The following UTP20 variants were observed in gnomAD, a reference collection of about 807,000 sequenced individuals.
UTP20 encodes the protein UTP20 small subunit processome component, also known as small subunit processome component 20 homolog.
Under a neutral mutation model 329.5 loss-of-function variants are expected in UTP20, and 164 were observed. The ratio of observed to expected loss-of-function variants is 0.50; its 90% CI spans 0.44 to 0.57. UTP20 has a LOEUF of 0.57. UTP20 is among the 20% of genes least tolerant of loss of function. The pLI is 0.00. For synonymous variants in UTP20, 1,151 were observed against 1,159.3 expected (o/e 0.99, Z 0.14); for missense variants, 3,055 against 3,284.2 (o/e 0.93, Z 1.71).
chr12:101,311,285 GTAGT>G (rs1250229524), intron 19 of UTP20, among the ~76,000 whole-genome samples: 1 of 152,070 alleles, frequency 6.6e-6, no homozygotes, highest in Non-Finnish European at 1.5e-5. Flanking sequence ...GTTGTTTCAT[GTAGT>G]TAGTGAATGT....
intron 25 of UTP20, among the ~76,000 whole-genome samples, chr12:101,325,231 C>G (rs754913335): frequency 2.0e-5 from 3 of 152,206 alleles, no homozygotes; most frequent in Non-Finnish European, 4.4e-5. Flanking sequence ...CCACCTCTCT[C>G]AGAACCCACT....
At chr12:101,317,712 A>G (rs1433647965) in intron 22 of UTP20, 49 bp downstream of exon 22, 2 of 1,535,046 alleles carry the variant, frequency 1.3e-6, no homozygotes, top group Non-Finnish European at 8.8e-7. Context: ...TCTGGGAGGA[A>G]CAGGAAGAGG....
intron 40 of UTP20, 133 bp from the exon 41 acceptor site, chr12:101,354,699 T>TA (rs1473074574): frequency 7.6e-6 from 7 of 915,814 alleles, no homozygotes; most frequent in African/African-American, 5.0e-5. Flanking sequence ...CCTCAGCACT[T>TA]ACCTTGCCTG....
chr12:101,322,605 A>G (rs1868400674), intron 25 of UTP20, among the ~76,000 whole-genome samples: 4 of 152,206 alleles, frequency 2.6e-5, no homozygotes, highest in Admixed American at 2.6e-4. Context: ...CTTTTGGTCC[A>G]GCCCCCTACT....
At chr12:101,334,922 A>G (rs918201900) in intron 29 of UTP20, among the ~76,000 whole-genome samples, 3 of 152,016 alleles carry the variant, frequency 2.0e-5, no homozygotes, top group Non-Finnish European at 4.4e-5. Flanking sequence ...ACAATGAGCC[A>G]TGATCATGCC....
chr12:101,285,599 G>A lies in UTP20; in HGVS notation c.156G>A (p.Leu52=), dbSNP rs1871935008. The A allele has an allele frequency of 6.2e-7, 1 of 1,613,772 alleles. No homozygotes were observed. The part of the protein sequence containing the change: ...EEVETYFFEG[L]LKWRELNLTE... ...TTGAAACCTACTTTTTTGAGGGTCT[G>A]CTGAAATGGAGAGAATTAAACCTCA... The change falls in exon 3 of 62, where the codon CTG becomes CTA. Residue 52 remains leucine, a synonymous_variant. Coordinates refer to ENST00000261637, the MANE Select transcript of UTP20 (RefSeq NM_014503.3).
At chr12:101,328,582 TGGA>T (rs897767472) in intron 26 of UTP20, among the ~76,000 whole-genome samples, 1 of 152,140 alleles carries the variant, frequency 6.6e-6, no homozygotes, top group African/African-American at 2.4e-5. Flanking sequence ...AGTTACCAGA[TGGA>T]GGACCAGGCA....
chr12:101,369,604 C>T (rs574500798), intron 48 of UTP20, 117 bp from the exon 49 acceptor site: 89 of 625,158 alleles, frequency 1.4e-4, no homozygotes, highest in African/African-American at 9.4e-4. Context: ...GAGTGGGCTG[C>T]GCTTAGCATC....
At position 101,290,278 on chromosome 12, in the gene UTP20, C is replaced by A; in HGVS notation, c.735+4C>A. The A allele has an allele frequency of 6.3e-7, 1 of 1,583,652 alleles. No individual in the cohort carries two copies. The highest frequency in any genetic ancestry group is 8.6e-7 in the Non-Finnish European group (1 of 1,167,876). Reference sequence around the variant, plus strand: ...GTTTCACTCCTGTACAGGCCAGGTACATAATGGGGAGGGGTGCTTAGAGTC... The same window carrying A: ...GTTTCACTCCTGTACAGGCCAGGTAAATAATGGGGAGGGGTGCTTAGAGTC... On this transcript the variant is annotated splice_donor_region_variant and intron_variant, in intron 7 of 61. Transcript: ENST00000261637.
At chr12:101,291,005 C>A in intron 8 of UTP20, 117 bp downstream of exon 8, 1 of 1,067,542 alleles carries the variant, frequency 9.4e-7, no homozygotes, top group Non-Finnish European at 1.3e-6. Context: ...TTTATTTATA[C>A]TTCTGTACAC....
At chr12:101,296,337 C>A (rs544431350) in intron 12 of UTP20, among the ~76,000 whole-genome samples, 5 of 151,960 alleles carry the variant, frequency 3.3e-5, no homozygotes, top group African/African-American at 1.2e-4. Context: ...TTTGGGAGGC[C>A]GAGGAGGGCA....
In UTP20 at chr12:101,338,161, T is replaced by A. The variant is rs776706434; in HGVS notation, c.3752T>A (p.Ile1251Asn). 6.2e-7 allele frequency: 1 copy of A among 1,614,216 alleles called. No individual in the cohort carries two copies. Residue 1251 changes from isoleucine (I) to asparagine (N), a missense_variant, in exon 30 of 62, where the codon ATT (isoleucine) becomes AAT (asparagine). Coordinates refer to ENST00000261637, the MANE Select transcript of UTP20 (RefSeq NM_014503.3). Reference sequence around the variant, plus strand: ...AATCTTTCTGATGCCACAGCCAGTATTGTAATGGACATAGTTGATGACCTT... The same window carrying A: ...AATCTTTCTGATGCCACAGCCAGTAATGTAATGGACATAGTTGATGACCTT... ...AKNLSDATASIVMDIVDDLLN... is the reference protein window; with the variant it reads ...AKNLSDATASNVMDIVDDLLN...
At chr12:101,294,699 C>T (rs1000433906) in intron 11 of UTP20, among the ~76,000 whole-genome samples, 3 of 152,048 alleles carry the variant, frequency 2.0e-5, no homozygotes, top group South Asian at 2.1e-4. Flanking sequence ...TGTGCCCCCA[C>T]GCCTGGCTAA....
At chr12:101,326,129 A>T (rs1868543698) in intron 25 of UTP20, among the ~76,000 whole-genome samples, 1 of 152,234 alleles carries the variant, frequency 6.6e-6, no homozygotes, top group Non-Finnish European at 1.5e-5. Context: ...AACATATATT[A>T]AAATGATTAT....
In UTP20 at chr12:101,325,298, C is replaced by A. The variant is rs373496254; in HGVS notation, c.3042-1783C>A. On this transcript the variant is annotated intron_variant, in intron 25 of 61. Transcript: ENST00000261637. ...ATAGAAGACATGCCAGCTGACATCT[C>A]ATTCATTTGGTCTCATCTCAAATGT... Among the ~76,000 whole-genome samples, 156 of 152,332 alleles carry A rather than the reference C, an allele frequency of 1.0e-3. 4 individuals are homozygous for A. In the South Asian group the frequency reaches 0.032, roughly 31 times the overall value.
chr12:101,327,041 A>G (rs1868583961), intron 25 of UTP20, 40 bp from the exon 26 acceptor site: 1 of 1,552,204 alleles, frequency 6.4e-7, no homozygotes, highest in African/African-American at 1.4e-5. Context: ...CATATTTTAG[A>G]ATTAATGTGC....
At chr12:101,384,857 C>T (rs988840233) in intron 60 of UTP20, among the ~76,000 whole-genome samples, 9 of 152,156 alleles carry the variant, frequency 5.9e-5, no homozygotes, top group African/African-American at 2.2e-4. Flanking sequence ...CTGACAAAAG[C>T]AGGTTCAGGT....
intron 32 of UTP20, among the ~76,000 whole-genome samples, chr12:101,341,766 A>G (rs1055502963): frequency 2.0e-5 from 3 of 152,068 alleles, no homozygotes; most frequent in Non-Finnish European, 4.4e-5. Flanking sequence ...TTAGCCTGGC[A>G]TGGTGGCGTA....
intron 38 of UTP20, among the ~76,000 whole-genome samples, chr12:101,351,138 T>TC (rs943303895): frequency 7.2e-5 from 11 of 152,024 alleles, no homozygotes; most frequent in African/African-American, 2.7e-4. Context: ...ATTTTTTTTT[T>TC]TTTTCCAAGA....
Sources: allele counts gnomAD v4.1 joint callset (sites outside exome capture counted in the v4.1 genomes callset), GRCh38; gene constraint gnomAD v4.1.1; transcripts MANE v1.5; gene names NCBI Gene and HGNC (gene_info 2026-07-23, HGNC 2026-07-21).